CTBP2: variants seen among roughly 807,000 people sequenced by gnomAD.
CTBP2 encodes C-terminal binding protein 2.
Under a neutral mutation model 80.3 loss-of-function variants are expected in CTBP2, and 30 were observed. The ratio of observed to expected loss-of-function variants is 0.37; its 90% confidence interval spans 0.28 to 0.51. The LOEUF (loss-of-function observed/expected upper bound fraction) is 0.51. Ranked by LOEUF, CTBP2 falls within the 20% of genes least tolerant of loss-of-function variation. CTBP2 has a pLI of 0.93. For missense variants in CTBP2, 1,212 were observed against 1,375.3 expected, an observed-to-expected ratio of 0.88 and a Z score of 1.88; for synonymous variants, 594 against 587.4, an observed-to-expected ratio of 1.01 and a Z score of -0.16.
Position 124,994,568 on chromosome 10 carries a change from G to A in CTBP2, c.2301C>T (p.Tyr767=), listed in dbSNP as rs768914697. The change falls in exon 5 of 9, where the codon TAC becomes TAT. Residue 767 remains tyrosine (Y), a synonymous_variant. Coordinates refer to ENST00000309035, the MANE Select transcript of CTBP2 (RefSeq NM_022802.3). ...TCTGATACAGCAAATCCTGCAGGGT[G>A]TAGACCCTCTGCACGCCCAGGGACC... The A allele has an allele frequency of 6.2e-7, 1 of 1,614,046 alleles. No homozygotes were observed.
exon 3 of CTBP2, chr10:125,039,032 T>C (rs766065464): frequency 1.2e-6 from 2 of 1,612,940 alleles, no homozygotes; most frequent in East Asian, 4.5e-5. Context: ...TCTCTTGACT[T>C]TGTGCTTATC....
At chr10:125,033,980 C>G (rs1042173677) in intron 3 of CTBP2, among the ~76,000 whole-genome samples, 1 of 152,124 alleles carries the variant, frequency 6.6e-6, no homozygotes, top group African/African-American at 2.4e-5. Context: ...TGATGAACCC[C>G]CAAACCCCAG....
At chr10:125,116,909 G>A (rs1853417125) in intron 1 of CTBP2, among the ~76,000 whole-genome samples, 1 of 152,242 alleles carries the variant, frequency 6.6e-6, no homozygotes, top group Non-Finnish European at 1.5e-5. Flanking sequence ...CCTGCCTACA[G>A]CAGCATGAGG....
At chr10:125,081,010 C>T (rs530358339) in intron 2 of CTBP2, among the ~76,000 whole-genome samples, 216 of 151,808 alleles carry the variant, frequency 1.4e-3, no homozygotes, top group African/African-American at 4.8e-3. Flanking sequence ...AAGACGGACT[C>T]GATCTTAGCC....
rs116917447 is a variant in CTBP2 at position 125,155,812 on chromosome 10, C to G, written c.-206+4507G>C. ...GCATTTTCCCTTCTTTCCAGGAGTGCTGTAACTTTAACTTGCAGCAGCGTA... is the reference window on the plus strand; with the variant it reads ...GCATTTTCCCTTCTTTCCAGGAGTGGTGTAACTTTAACTTGCAGCAGCGTA... On this transcript the variant is annotated intron_variant, in intron 1 of 10. Transcript: ENST00000337195. Among the ~76,000 whole-genome samples the G allele has an allele frequency of 6.3e-4, 96 of 152,232 alleles. No homozygotes were observed. In the East Asian group the frequency reaches 0.015, roughly 24 times the overall value.
intron 1 of CTBP2, among the ~76,000 whole-genome samples, chr10:125,133,839 G>C (rs935086987): frequency 6.6e-6 from 1 of 152,218 alleles, no homozygotes; most frequent in African/African-American, 2.4e-5. Context: ...GAGCTCTTTA[G>C]GGACAGGGAA....
intron 1 of CTBP2, among the ~76,000 whole-genome samples, chr10:125,019,458 T>TAG (rs1348822495): frequency 6.6e-6 from 1 of 151,442 alleles, no homozygotes; most frequent in Non-Finnish European, 1.5e-5. Context: ...TGTTAATATA[T>TAG]GTTGGCTTTC....
Position 124,993,933 on chromosome 10 carries a change from T to C in CTBP2, c.2453A>G (p.Glu818Gly). 6.2e-7 allele frequency: 1 copy of C among 1,614,176 alleles called. No individual in the cohort carries two copies. The highest frequency in any genetic ancestry group is 8.5e-7 in the Non-Finnish European group (1 of 1,180,042). Residue 818 changes from glutamate to glycine, a missense_variant, in exon 6 of 9, where the codon GAG (glutamate) becomes GGG (glycine). Around this residue, in one of 3 missense-constraint regions of CTBP2, gnomAD observed 335 missense variants for 504.7 expected, o/e 0.66. Transcript: ENST00000309035. ...CTTGAGGGCTTGTGCTAAGGCTTTC[T>C]CGTCCACCAGGCCGCCACGGGCTGC...
chr10:125,094,928 C>G (rs1849328420), intron 2 of CTBP2, among the ~76,000 whole-genome samples: 1 of 150,994 alleles, frequency 6.6e-6, no homozygotes, highest in South Asian at 2.1e-4. Context: ...GTAAGTGCAT[C>G]AAAAAAGCAG....
chr10:124,991,372 G>A (rs1952591217), intron 8 of CTBP2, among the ~76,000 whole-genome samples: 6 of 152,254 alleles, frequency 3.9e-5, no homozygotes, highest in Middle Eastern at 3.4e-3. Context: ...CCCAGCTTAC[G>A]TGAAGGATAA....
intron 2 of CTBP2, among the ~76,000 whole-genome samples, chr10:125,096,781 G>C (rs1023039127): frequency 6.7e-6 from 1 of 149,862 alleles, no homozygotes; most frequent in African/African-American, 2.5e-5. Context: ...GTGGTTTAAT[G>C]GGGGGGTGGG....
chr10:125,045,151 G>A (rs930484422), intron 2 of CTBP2, among the ~76,000 whole-genome samples: 13 of 152,090 alleles, frequency 8.5e-5, no homozygotes, highest in Non-Finnish European at 1.8e-4. Flanking sequence ...TACCCAGTCC[G>A]TAGTACCCAA....
At chr10:125,064,829 G>C (rs1844381867) in intron 2 of CTBP2, among the ~76,000 whole-genome samples, 1 of 152,220 alleles carries the variant, frequency 6.6e-6, no homozygotes, top group Non-Finnish European at 1.5e-5. Flanking sequence ...AGGAAGAAAA[G>C]ACAAAGAATG....
At chr10:125,148,682 C>G (rs1859258597) in intron 1 of CTBP2, among the ~76,000 whole-genome samples, 1 of 152,208 alleles carries the variant, frequency 6.6e-6, no homozygotes. Flanking sequence ...GAATTTACCA[C>G]AGGAGTGTCT....
intron 2 of CTBP2, among the ~76,000 whole-genome samples, chr10:125,099,339 G>A (rs1238450017): frequency 1.3e-5 from 2 of 152,224 alleles, no homozygotes; most frequent in Admixed American, 1.3e-4. Flanking sequence ...CGTCTGGCAC[G>A]CATGCCACAT....
At chr10:125,009,073 C>T (rs1284197496) in intron 1 of CTBP2, among the ~76,000 whole-genome samples, 3 of 152,360 alleles carry the variant, frequency 2.0e-5, no homozygotes, top group African/African-American at 7.2e-5. Flanking sequence ...GGAAACTGGA[C>T]ACAGCGGTAG....
At chr10:125,005,197 CTT>C (rs1955074682) in intron 1 of CTBP2, among the ~76,000 whole-genome samples, 1 of 152,238 alleles carries the variant, frequency 6.6e-6, no homozygotes, top group Non-Finnish European at 1.5e-5. Context: ...ATAATTGTCT[CTT>C]TGAGCACAAA....
At chr10:125,152,447 C>G (rs1860161436) in intron 1 of CTBP2, among the ~76,000 whole-genome samples, 1 of 152,218 alleles carries the variant, frequency 6.6e-6, no homozygotes, top group Admixed American at 6.5e-5. Flanking sequence ...TCCAGGCGCC[C>G]CAGGCCCCCC....
chr10:125,078,352 G>T (rs1169579679), intron 2 of CTBP2, among the ~76,000 whole-genome samples: 1 of 151,916 alleles, frequency 6.6e-6, no homozygotes, highest in Non-Finnish European at 1.5e-5. Context: ...GAGGAGGGAG[G>T]TTCTAGGACA....
Sources: allele counts gnomAD v4.1 joint callset (sites outside exome capture counted in the v4.1 genomes callset), GRCh38; gene constraint gnomAD v4.1.1; regional missense constraint gnomAD v4.1.1; transcripts MANE v1.5; gene names NCBI Gene and HGNC (gene_info 2026-07-23, HGNC 2026-07-21).